The following ROBO2 variants were observed in gnomAD, a reference collection of about 807,000 sequenced individuals.
The protein encoded by ROBO2 is roundabout homolog 2.
Under a neutral mutation model 160.8 loss-of-function variants are expected in ROBO2, and 53 were observed. That is an observed-to-expected ratio of 0.33 (90% CI 0.26 to 0.41). The LOEUF (loss-of-function observed/expected upper bound fraction) is 0.41. Ranked by LOEUF, ROBO2 falls within the 10% of genes least tolerant of loss-of-function variation. The pLI is 1.00. For synonymous variants in ROBO2, 664 were observed against 611.7 expected (o/e 1.09, Z -1.26); for missense variants, 1,577 against 1,722.4 (o/e 0.92, Z 1.49).
intron 2 of ROBO2, among the ~76,000 whole-genome samples, chr3:76,142,558 C>T (rs562594441): frequency 6.6e-6 from 1 of 151,974 alleles, no homozygotes; most frequent in African/African-American, 2.4e-5. Context: ...AAAAGCCAGG[C>T]ACAGAAAGAC....
intron 2 of ROBO2, chr3:76,433,970 A>T: frequency 1.3e-6 from 1 of 779,062 alleles, no homozygotes; most frequent in Non-Finnish European, 2.3e-6. Context: ...ATCTAGAAGA[A>T]AATTAAGGGC....
intron 2 of ROBO2, among the ~76,000 whole-genome samples, chr3:76,234,726 T>C (rs1000003093): frequency 3.9e-5 from 6 of 152,202 alleles, no homozygotes; most frequent in Non-Finnish European, 7.3e-5. Flanking sequence ...TTATGTATAT[T>C]TGCCTTTACT....
At chr3:77,131,060 G>T (rs1249872316) in intron 2 of ROBO2, among the ~76,000 whole-genome samples, 1 of 152,092 alleles carries the variant, frequency 6.6e-6, no homozygotes, top group Non-Finnish European at 1.5e-5. Context: ...GACACTGCCA[G>T]CCAAAAGTGA....
chr3:76,294,013 C>T (rs933318003), intron 2 of ROBO2, among the ~76,000 whole-genome samples: 1 of 152,134 alleles, frequency 6.6e-6, no homozygotes. Flanking sequence ...TTCATCGGCA[C>T]CCAAAGTCCA....
chr3:77,040,623 T>C, exon 1 of ROBO2: 1 of 1,489,432 alleles, frequency 6.7e-7, no homozygotes, highest in South Asian at 1.4e-5. Context: ...TCGAGACCTC[T>C]CCACCAACCC....
At chr3:76,623,910 T>G (rs1371986892) in intron 2 of ROBO2, among the ~76,000 whole-genome samples, 2 of 152,178 alleles carry the variant, frequency 1.3e-5, no homozygotes, top group Admixed American at 1.3e-4. Context: ...TAATGAGGCC[T>G]CTGACATCTT....
chr3:76,199,089 G>A (rs1702394498), intron 2 of ROBO2, among the ~76,000 whole-genome samples: 2 of 152,036 alleles, frequency 1.3e-5, no homozygotes, highest in Non-Finnish European at 2.9e-5. Flanking sequence ...TGTACTTACA[G>A]GGCCTCAGTT....
At chr3:76,142,601 C>A (rs1024997658) in intron 2 of ROBO2, among the ~76,000 whole-genome samples, 1 of 151,692 alleles carries the variant, frequency 6.6e-6, no homozygotes, top group African/African-American at 2.4e-5. Context: ...TTTGTGGGAT[C>A]TAAAAATCAA....
chr3:76,455,595 C>T (rs1559976302), intron 2 of ROBO2, among the ~76,000 whole-genome samples: 2 of 152,076 alleles, frequency 1.3e-5, no homozygotes, highest in Non-Finnish European at 2.9e-5. Context: ...AGAAATTAGA[C>T]AAAGTTTATC....
intron 2 of ROBO2, among the ~76,000 whole-genome samples, chr3:76,394,958 G>A (rs1446835990): frequency 1.3e-5 from 2 of 152,050 alleles, no homozygotes; most frequent in East Asian, 1.9e-4. Context: ...ACTGAACTCA[G>A]CTCTGCACCA....
chr3:77,432,335 G>A (rs957212410), intron 2 of ROBO2, among the ~76,000 whole-genome samples: 6 of 152,120 alleles, frequency 3.9e-5, no homozygotes, highest in Non-Finnish European at 8.8e-5. Context: ...TACCCTCTGT[G>A]AGTTGACTGT....
chr3:76,057,300 G>A (rs571161743), intron 2 of ROBO2, among the ~76,000 whole-genome samples: 4 of 152,238 alleles, frequency 2.6e-5, no homozygotes, highest in Admixed American at 1.3e-4. Flanking sequence ...TATACAACAC[G>A]TTTGTTCCTT....
At chr3:77,180,416 C>CTATATATA (rs71104657) in intron 2 of ROBO2, among the ~76,000 whole-genome samples, 6 of 90,704 alleles carry the variant, frequency 6.6e-5, no homozygotes, top group East Asian at 2.8e-4. Context: ...CTCTCTCTCT[C>CTATATATA]TATATATATA....
At chr3:76,228,107 G>T (rs957371250) in intron 2 of ROBO2, among the ~76,000 whole-genome samples, 6 of 152,166 alleles carry the variant, frequency 3.9e-5, no homozygotes, top group African/African-American at 1.4e-4. Context: ...AAGTGTGGAT[G>T]TTTAAAAACA....
At chr3:76,539,852 GA>G (rs2082720548) in intron 2 of ROBO2, among the ~76,000 whole-genome samples, 1 of 152,192 alleles carries the variant, frequency 6.6e-6, no homozygotes, top group South Asian at 2.1e-4. Context: ...TTCTAGGTGA[GA>G]AAAGAGGAAC....
chr3:76,713,568 C>T (rs1174453773), intron 2 of ROBO2, among the ~76,000 whole-genome samples: 2 of 152,070 alleles, frequency 1.3e-5, no homozygotes, highest in Admixed American at 6.6e-5. Flanking sequence ...TTTTTAAAAA[C>T]TTACTTTTGA....
chr3:77,443,779 T>C (rs2080192810), intron 2 of ROBO2, among the ~76,000 whole-genome samples: 1 of 152,166 alleles, frequency 6.6e-6, no homozygotes, highest in South Asian at 2.1e-4. Context: ...ATGCAAGTTG[T>C]AGCTATGTAG....
chr3:76,399,859 C>G (rs2077711613), intron 2 of ROBO2, among the ~76,000 whole-genome samples: 1 of 151,648 alleles, frequency 6.6e-6, no homozygotes, highest in East Asian at 1.9e-4. Context: ...AAACTAGGCT[C>G]ATAGTATTAT....
intron 2 of ROBO2, among the ~76,000 whole-genome samples, chr3:76,153,296 G>T (rs561013535): frequency 6.8e-4 from 103 of 152,240 alleles, no homozygotes; most frequent in South Asian, 5.6e-3. Context: ...ACACAGAAAT[G>T]AAATTCAAAC....
Sources: gnomAD v4.1 joint callset for allele counts (sites outside exome capture counted in the v4.1 genomes callset) on GRCh38, gnomAD v4.1.1 for gene constraint, MANE v1.5 for transcripts, NCBI Gene and HGNC (gene_info 2026-07-23, HGNC 2026-07-21) for gene names.